MEI4: variants seen among roughly 807,000 people sequenced by gnomAD.
MEI4 encodes meiotic double-stranded break formation protein 4.
Under a neutral mutation model 31.4 loss-of-function variants are expected in MEI4, and 27 were observed. The ratio of observed to expected loss-of-function variants is 0.86; its 90% CI spans 0.63 to 1.19. The LOEUF is 1.19. Ranked by LOEUF, MEI4 falls within the 50% of genes most tolerant of loss-of-function variation. The pLI is 0.00. For missense variants in MEI4, 329 were observed against 398.9 expected (o/e 0.82, Z 1.49); for synonymous variants, 122 against 145.4 (o/e 0.84, Z 1.16).
intron 2 of MEI4, among the ~76,000 whole-genome samples, chr6:77,724,969 C>T (rs942920125): frequency 7.0e-6 from 1 of 142,310 alleles, no homozygotes; most frequent in African/African-American, 2.6e-5. Context: ...ATACTATCTT[C>T]TTCTGTTTGA....
chr6:77,736,970 A>G (rs886068576), intron 2 of MEI4, among the ~76,000 whole-genome samples: 2 of 152,182 alleles, frequency 1.3e-5, no homozygotes, highest in Admixed American at 6.5e-5. Context: ...GTATAGGTAG[A>G]GGAATATACT....
chr6:77,661,060 G>C (rs928101052), intron 1 of MEI4, among the ~76,000 whole-genome samples: 1 of 152,154 alleles, frequency 6.6e-6, no homozygotes, highest in African/African-American at 2.4e-5. Context: ...GGCCAAGCAA[G>C]AAAGTGCGTC....
chr6:77,710,474 AT>A (rs1482325658), intron 2 of MEI4, among the ~76,000 whole-genome samples: 9 of 129,702 alleles, frequency 6.9e-5, no homozygotes, highest in Admixed American at 4.7e-4. Flanking sequence ...GTGAGCTGAG[AT>A]TGTGCCACTG....
chr6:77,746,914 G>A (rs1290707232), intron 2 of MEI4, among the ~76,000 whole-genome samples: 5 of 152,008 alleles, frequency 3.3e-5, no homozygotes, highest in Non-Finnish European at 5.9e-5. Context: ...AAGATGATTT[G>A]TTCAGTTCTA....
intron 2 of MEI4, among the ~76,000 whole-genome samples, chr6:77,748,600 A>T (rs746750433): frequency 6.6e-6 from 1 of 152,188 alleles, no homozygotes; most frequent in Non-Finnish European, 1.5e-5. Context: ...AAGGTCTCTG[A>T]CATCCGTGGA....
At chr6:77,721,980 G>A (rs1024160211) in intron 2 of MEI4, among the ~76,000 whole-genome samples, 6 of 129,530 alleles carry the variant, frequency 4.6e-5, no homozygotes, top group African/African-American at 1.4e-4. Flanking sequence ...ACAAAAGTCT[G>A]ACAAATAGTT....
chr6:77,866,188 C>T (rs1771022302), intron 4 of MEI4, among the ~76,000 whole-genome samples: 1 of 151,980 alleles, frequency 6.6e-6, no homozygotes, highest in South Asian at 2.1e-4. Flanking sequence ...GATGCCCTCT[C>T]TCACCACTCC....
chr6:77,759,508 C>T (rs1332932595), intron 2 of MEI4, among the ~76,000 whole-genome samples: 2 of 152,124 alleles, frequency 1.3e-5, no homozygotes, highest in Admixed American at 1.3e-4. Flanking sequence ...GTGACTAAAC[C>T]TGAACTTTTT....
chr6:77,688,855 T>C (rs1381805194), intron 1 of MEI4, among the ~76,000 whole-genome samples: 3 of 152,054 alleles, frequency 2.0e-5, no homozygotes, highest in African/African-American at 7.2e-5. Flanking sequence ...CTGAGAGTAA[T>C]GAGTGTCAGA....
chr6:77,917,487 A>G (rs914802901), intron 4 of MEI4, among the ~76,000 whole-genome samples: 180 of 149,532 alleles, frequency 1.2e-3, no homozygotes, highest in African/African-American at 4.4e-3. Flanking sequence ...ATGGTATCTC[A>G]TTGTGGTTTT....
At chr6:77,700,205 G>C (rs113014990) in intron 2 of MEI4, among the ~76,000 whole-genome samples, 3,461 of 152,284 alleles carry the variant, frequency 0.023, 135 homozygotes, top group African/African-American at 0.078. Flanking sequence ...GGAGCCTACC[G>C]GGGCAGGCAG....
rs368816580 is a variant in MEI4, at chr6:77,829,120, C to CT, written c.900+61dup. The CT allele has an allele frequency of 2.9e-4, 343 of 1,165,566 alleles. 1 individual carries two copies. In the African/African-American group the frequency reaches 4.3e-3, roughly 15 times the overall value. 72.2% of individuals were successfully genotyped at this position (1,165,566 alleles called of 1,614,324 possible). On this transcript the variant is annotated intron_variant, in intron 4 of 4. Coordinates refer to ENST00000684080, the MANE Select transcript of MEI4 (RefSeq NM_001322247.2). ...ATAGTTATTGTAACTATATGTTTTT[C>CT]TTTCTTTTCCCTTCTTTCTTCTCTT... is the stretch of plus-strand genomic sequence containing the variant.
At chr6:77,657,073 T>G (rs1327767894) in intron 1 of MEI4, among the ~76,000 whole-genome samples, 1 of 152,182 alleles carries the variant, frequency 6.6e-6, no homozygotes, top group Non-Finnish European at 1.5e-5. Flanking sequence ...GTAAAAATCT[T>G]TAGTGGCAAA....
intron 3 of MEI4, among the ~76,000 whole-genome samples, chr6:77,775,015 T>C (rs1183906017): frequency 6.6e-6 from 1 of 152,112 alleles, no homozygotes; most frequent in Admixed American, 6.6e-5. Flanking sequence ...TCATGACTTG[T>C]GGCTGAATCT....
intron 3 of MEI4, among the ~76,000 whole-genome samples, chr6:77,800,888 G>T (rs9361289): frequency 0.14 from 20,944 of 152,074 alleles, 1,533 homozygotes; most frequent in Middle Eastern, 0.21. Context: ...ACTGGATTTG[G>T]TTTCCCAGTA....
rs1297505415 is a variant in MEI4, at chr6:77,926,430, CTG to C, written c.*3086_*3087del. The C allele has an allele frequency of 6.6e-6, 1 of 151,864 alleles. No individual in the cohort carries two copies. The highest frequency in any genetic ancestry group is 1.5e-5 in the Non-Finnish European group (1 of 67,918). The allele number at this position is 151,864 out of a possible 1,614,324, so 9.4% of individuals were successfully genotyped here. ...AGAGGTGTTTAGGTAGACTGTGAGGCTGTAATGATAAGCAAAATGGGGAGAGA... is the reference window on the plus strand; with the variant it reads ...AGAGGTGTTTAGGTAGACTGTGAGGCTAATGATAAGCAAAATGGGGAGAGA... On this transcript the variant is annotated 3_prime_UTR_variant, in exon 5 of 5. Coordinates refer to ENST00000684080, the MANE Select transcript of MEI4 (RefSeq NM_001322247.2).
At chr6:77,713,980 G>A (rs944732376) in intron 2 of MEI4, among the ~76,000 whole-genome samples, 4 of 152,014 alleles carry the variant, frequency 2.6e-5, no homozygotes, top group African/African-American at 9.7e-5. Flanking sequence ...GTAAGAATAT[G>A]TGGTATTTGG....
At chr6:77,687,883 C>CA (rs1276286343) in intron 1 of MEI4, among the ~76,000 whole-genome samples, 2 of 151,962 alleles carry the variant, frequency 1.3e-5, no homozygotes, top group African/African-American at 4.8e-5. Flanking sequence ...GAGATTTCAT[C>CA]AAAAAAGCAT....
At chr6:77,734,306 T>G (rs767605734) in intron 2 of MEI4, among the ~76,000 whole-genome samples, 4 of 152,084 alleles carry the variant, frequency 2.6e-5, no homozygotes, top group Non-Finnish European at 5.9e-5. Flanking sequence ...TGAATCTGGG[T>G]GCTCCTGTAT....
Sources: gnomAD v4.1 joint callset for allele counts (sites outside exome capture counted in the v4.1 genomes callset) on GRCh38, gnomAD v4.1.1 for gene constraint, MANE v1.5 for transcripts, NCBI Gene and HGNC (gene_info 2026-07-23, HGNC 2026-07-21) for gene names.